The following WDFY3 variants were observed in gnomAD, a reference collection of about 807,000 sequenced individuals.
WDFY3 encodes the protein WD repeat and FYVE domain containing 3.
In WDFY3, 66 loss-of-function variants were observed where a neutral mutation model predicts 409.6. That is an observed-to-expected ratio of 0.16 (90% CI 0.13 to 0.20). The LOEUF (loss-of-function observed/expected upper bound fraction) is 0.20, where lower values mean the gene tolerates loss of function less well. Among genes scored for constraint, WDFY3 ranks in the 10% least tolerant of loss-of-function variants. The probability of loss-of-function intolerance (pLI) is 1.00; values close to 1 mark genes in which losing one functional copy is unlikely to be tolerated. For missense variants in WDFY3, 3,031 were observed against 4,298.1 expected, an observed-to-expected ratio of 0.71 and a Z score of 8.24; for synonymous variants, 1,521 against 1,537.1, an observed-to-expected ratio of 0.99 and a Z score of 0.25.
rs1311151017 is a variant in WDFY3, at chr4:84,928,244, C to T, written c.-132+4026G>A. 2.6e-5 allele frequency among the ~76,000 whole-genome samples: 4 copies of T among 152,238 alleles called. No homozygotes were observed. The East Asian group carries it at 5.8e-4, about 22-fold the overall frequency. On this transcript the variant is annotated intron_variant, in intron 2 of 67. Transcript: ENST00000295888. ...TTGGATTCTGGGACTAGCATCAACC[C>T]CTCTCCCTCCTCCGTGCTTGACTCT... is the stretch of plus-strand genomic sequence containing the variant.
At chr4:84,841,031 G>A in intron 6 of WDFY3, 123 bp downstream of exon 6, 1 of 816,514 alleles carries the variant, frequency 1.2e-6, no homozygotes, top group South Asian at 1.9e-5. Flanking sequence ...AAAAAAGTTA[G>A]AAGAATACAA....
At chr4:84,730,314 A>T (rs957053199) in intron 44 of WDFY3, among the ~76,000 whole-genome samples, 4 of 152,224 alleles carry the variant, frequency 2.6e-5, no homozygotes, top group Admixed American at 2.6e-4. Flanking sequence ...AAAGGAAAAA[A>T]GTCTATAACT....
At chr4:84,749,897 A>G (rs562896195) in intron 36 of WDFY3, among the ~76,000 whole-genome samples, 6 of 152,306 alleles carry the variant, frequency 3.9e-5, no homozygotes, top group African/African-American at 1.4e-4. Flanking sequence ...AGGTTAATAC[A>G]TGTTATTATA....
intron 1 of WDFY3, among the ~76,000 whole-genome samples, chr4:84,942,485 T>C (rs922862311): frequency 6.6e-6 from 1 of 152,224 alleles, no homozygotes; most frequent in African/African-American, 2.4e-5. Context: ...GCTATGAACA[T>C]TAGCCTTTTT....
chr4:84,876,398 T>C (rs1164429808), intron 3 of WDFY3, among the ~76,000 whole-genome samples: 3 of 152,238 alleles, frequency 2.0e-5, no homozygotes, highest in Admixed American at 6.5e-5. Flanking sequence ...AGATACGTTC[T>C]GTGTGTAAGA....
chr4:84,762,896 G>A (rs1742929066), intron 32 of WDFY3, among the ~76,000 whole-genome samples: 1 of 152,050 alleles, frequency 6.6e-6, no homozygotes, highest in South Asian at 2.1e-4. Context: ...AGGACTGCTT[G>A]AGCCCAGGAG....
At chr4:84,946,813 G>T (rs985311297) in intron 1 of WDFY3, among the ~76,000 whole-genome samples, 3 of 144,236 alleles carry the variant, frequency 2.1e-5, no homozygotes, top group Non-Finnish European at 3.1e-5. Context: ...TTCATTTTTT[G>T]TTTTTTTTTT....
At chr4:84,769,453 C>T (rs953696562) in intron 30 of WDFY3, among the ~76,000 whole-genome samples, 29 of 152,184 alleles carry the variant, frequency 1.9e-4, no homozygotes, top group African/African-American at 5.8e-4. Context: ...CTCACTCTGT[C>T]GCCCAGGCTG....
At position 84,713,258 on chromosome 4, in the gene WDFY3, C is replaced by T. The variant is rs371937344; in HGVS notation, c.7962-19G>A. On this transcript the variant is annotated intron_variant, in intron 50 of 67. Coordinates refer to ENST00000295888, the MANE Select transcript of WDFY3 (RefSeq NM_014991.6). ...CAAAAACCTGAAAAATTTAAAATAG[C>T]GTAAAATTACAAGTGAAGTCTCAGT... 4.0e-5 allele frequency: 65 copies of T among 1,605,602 alleles called. No homozygotes were observed. Among genetic ancestry groups the T allele is most frequent in the East Asian group, 1.3e-4 (6 of 44,838 alleles).
chr4:84,704,535 A>C, intron 54 of WDFY3, 91 bp from the exon 55 acceptor site: 1 of 1,030,464 alleles, frequency 9.7e-7, no homozygotes, highest in Non-Finnish European at 1.4e-6. Context: ...ATGCTAGCCT[A>C]TGTGATAACT....
chr4:84,811,721 AT>A (rs140627504), intron 13 of WDFY3, among the ~76,000 whole-genome samples: 32 of 151,634 alleles, frequency 2.1e-4, no homozygotes, highest in African/African-American at 6.5e-4. Flanking sequence ...TGAAAAAGTC[AT>A]TTTTTTTTAA....
intron 25 of WDFY3, among the ~76,000 whole-genome samples, chr4:84,781,327 C>A (rs1226352710): frequency 6.6e-6 from 1 of 151,396 alleles, no homozygotes; most frequent in Non-Finnish European, 1.5e-5. Context: ...ATAAAAGTAA[C>A]ATGCATATTA....
At chr4:84,839,780 T>A (rs1578760290) in intron 6 of WDFY3, among the ~76,000 whole-genome samples, 1 of 151,438 alleles carries the variant, frequency 6.6e-6, no homozygotes, top group Non-Finnish European at 1.5e-5. Flanking sequence ...ATCGCTTGAA[T>A]CTGGGAGGCG....
intron 67 of WDFY3, among the ~76,000 whole-genome samples, chr4:84,676,547 A>AT (rs1230314304): frequency 1.6e-4 from 25 of 152,082 alleles, no homozygotes; most frequent in African/African-American, 6.0e-4. Context: ...TTAGAAGGGC[A>AT]TTTATAGGGA....
At chr4:84,931,868 T>A (rs1252449894) in intron 2 of WDFY3, among the ~76,000 whole-genome samples, 1 of 152,148 alleles carries the variant, frequency 6.6e-6, no homozygotes, top group Admixed American at 6.6e-5. Context: ...ATCCTTAAAC[T>A]AGTCACTCAA....
intron 38 of WDFY3, 145 bp downstream of exon 38, chr4:84,741,616 G>A (rs1738442504): frequency 3.1e-6 from 3 of 980,732 alleles, no homozygotes; most frequent in African/African-American, 3.3e-5. Context: ...CGCCCAGCCT[G>A]TCTCTATTCA....
At chr4:84,802,967 T>C (rs1448904841) in intron 16 of WDFY3, among the ~76,000 whole-genome samples, 1 of 152,176 alleles carries the variant, frequency 6.6e-6, no homozygotes, top group East Asian at 1.9e-4. Context: ...CAATGTAGTA[T>C]CTTCAGTCAT....
In WDFY3 at chr4:84,860,269, T is replaced by C. The variant is rs150719843; in HGVS notation, c.180+143A>G. The C allele has an allele frequency of 3.0e-4, 284 of 943,246 alleles. No homozygotes were observed. In the African/African-American group the frequency reaches 4.1e-3, roughly 14 times the overall value. 58.4% of individuals were successfully genotyped at this position (943,246 alleles called of 1,614,324 possible). ...TCAAGTCACACTGCTTTATAGCAAATTGAAAACATGAAACGAGAACACCAA... is the reference window on the plus strand; with the variant it reads ...TCAAGTCACACTGCTTTATAGCAAACTGAAAACATGAAACGAGAACACCAA... On this transcript the variant is annotated intron_variant, in intron 4 of 67. Coordinates refer to ENST00000295888, the MANE Select transcript of WDFY3 (RefSeq NM_014991.6).
chr4:84,770,975 G>A (rs1744584874), intron 30 of WDFY3, among the ~76,000 whole-genome samples: 1 of 152,086 alleles, frequency 6.6e-6, no homozygotes, highest in African/African-American at 2.4e-5. Context: ...GCTGATGAGA[G>A]TATCAGTCTA....
Sources: allele counts gnomAD v4.1 joint callset (sites outside exome capture counted in the v4.1 genomes callset), GRCh38; gene constraint gnomAD v4.1.1; transcripts MANE v1.5; gene names NCBI Gene and HGNC (gene_info 2026-07-23, HGNC 2026-07-21).